VWF: variants seen among roughly 807,000 people sequenced by gnomAD.
VWF encodes the protein Factor VIII related antigen.
VWF carries 176 observed loss-of-function variants against 308.6 expected under a neutral mutation model. The ratio of observed to expected loss-of-function variants is 0.57; its 90% CI spans 0.50 to 0.65. The LOEUF (loss-of-function observed/expected upper bound fraction) is 0.65. Among genes scored for constraint, VWF ranks in the 30% least tolerant of loss-of-function variants. The pLI, the probability that VWF is intolerant of heterozygous loss-of-function variation, is 0.00. For synonymous variants in VWF, 1,385 were observed against 1,443.4 expected (o/e 0.96, Z 0.92); for missense variants, 3,146 against 3,648.2 (o/e 0.86, Z 3.55).
intron 17 of VWF, among the ~76,000 whole-genome samples, chr12:6,045,438 A>C (rs1032727198): frequency 7.2e-5 from 11 of 152,242 alleles, no homozygotes; most frequent in Middle Eastern, 3.2e-3. Flanking sequence ...CCAGACTAGA[A>C]GATTCTGAGC....
rs771958356 is a variant in VWF, at chr12:5,985,548, G to A, written c.6901+15C>T. On this transcript the variant is annotated intron_variant, in intron 39 of 51. Coordinates refer to ENST00000261405, the MANE Select transcript of VWF (RefSeq NM_000552.5). ...TGTTCCTCCATGAAGGCACCAGGGAGGGGAGGACTCTCACCTTTGGCCGTG... is the reference window on the plus strand; with the variant it reads ...TGTTCCTCCATGAAGGCACCAGGGAAGGGAGGACTCTCACCTTTGGCCGTG... 1.1e-5 allele frequency: 17 copies of A among 1,613,092 alleles called. No individual in the cohort carries two copies. The Middle Eastern group carries it at 5.0e-4, about 47-fold the overall frequency.
intron 28 of VWF, 125 bp from the exon 29 acceptor site, chr12:6,016,995 G>T: frequency 9.8e-7 from 1 of 1,025,298 alleles, no homozygotes; most frequent in Non-Finnish European, 1.5e-6. Flanking sequence ...CAAGGGGGGC[G>T]GGGGGTGCCT....
chr12:5,950,014 G>A, intron 50 of VWF, 131 bp from the exon 51 acceptor site: 2 of 776,340 alleles, frequency 2.6e-6, no homozygotes, highest in Non-Finnish European at 4.4e-6. Flanking sequence ...GCCACAGGGA[G>A]GGAATTCAGT....
Position 6,095,582 on chromosome 12 carries a change from T to G in VWF, c.535A>C (p.Thr179Pro). The G allele has an allele frequency of 6.2e-7, 1 of 1,614,152 alleles. No homozygotes were observed. The highest frequency in any genetic ancestry group is 1.1e-5 in the South Asian group (1 of 91,078). ...AEDDFMTQEG[T>P]LTSDPYDFAN... ...AAGTCATAAGGGTCCGAGGTCAAGGTCCCTGTGGAGGAAAGTTTCAGGAAA... is the reference window on the plus strand; with the variant it reads ...AAGTCATAAGGGTCCGAGGTCAAGGGCCCTGTGGAGGAAAGTTTCAGGAAA... Residue 179 changes from threonine (T) to proline (P), a missense_variant and splice_region_variant, in exon 6 of 52, where the codon ACC becomes CCC. By Grantham distance (38) the Thr-to-Pro change is conservative (BLOSUM62 -1). Transcript: ENST00000261405.
chr12:5,994,747 C>T (rs1316494058), intron 35 of VWF, 140 bp from the exon 36 acceptor site: 1 of 764,922 alleles, frequency 1.3e-6, no homozygotes, highest in African/African-American at 1.7e-5. Flanking sequence ...GTCGGCAGCT[C>T]TTCTAAGATA....
intron 34 of VWF, among the ~76,000 whole-genome samples, chr12:6,008,244 T>A (rs1591856133): frequency 6.6e-6 from 1 of 151,996 alleles, no homozygotes; most frequent in Non-Finnish European, 1.5e-5. Context: ...TCAATATTCC[T>A]GATGAACACA....
chr12:6,062,645 G>A (rs1056373869), intron 13 of VWF, among the ~76,000 whole-genome samples: 5 of 152,022 alleles, frequency 3.3e-5, no homozygotes, highest in South Asian at 2.1e-4. Flanking sequence ...CCCTGCTCCC[G>A]GGCCTTGTTT....
intron 42 of VWF, among the ~76,000 whole-genome samples, chr12:5,977,517 A>C (rs1422308335): frequency 6.6e-6 from 1 of 152,246 alleles, no homozygotes; most frequent in Non-Finnish European, 1.5e-5. Context: ...TCTATGAGAA[A>C]TGGGAAGAAA....
chr12:6,041,518 A>G (rs1478616018), intron 18 of VWF, among the ~76,000 whole-genome samples: 1 of 151,524 alleles, frequency 6.6e-6, no homozygotes, highest in African/African-American at 2.4e-5. Context: ...GTGCAATCTC[A>G]GCTCACTGCA....
chr12:6,011,912 C>T lies in VWF; in HGVS notation c.5665-118G>A, dbSNP rs216305. The T allele has an allele frequency of 0.49, 557,398 of 1,147,626 alleles. 140,810 individuals are homozygous for T. The highest frequency in any genetic ancestry group is 0.67 in the African/African-American group (42,503 of 63,130). 71.1% of individuals were successfully genotyped at this position (1,147,626 alleles called of 1,614,324 possible). ...CACAGGCCTACACAGCAAGGAGGCCCCCTGTACATGAGACAGGAAGCAAAA... is the reference window on the plus strand; with the variant it reads ...CACAGGCCTACACAGCAAGGAGGCCTCCTGTACATGAGACAGGAAGCAAAA... On this transcript the variant is annotated intron_variant, in intron 33 of 51. Transcript: ENST00000261405.
intron 7 of VWF, among the ~76,000 whole-genome samples, chr12:6,074,858 G>A (rs747156473): frequency 7.2e-4 from 109 of 152,300 alleles, no homozygotes; most frequent in Non-Finnish European, 1.2e-3. Context: ...GAGGGATAGC[G>A]GTCATTAGCC....
intron 21 of VWF, 151 bp from the exon 22 acceptor site, chr12:6,029,639 T>C (rs1944236086): frequency 1.0e-6 from 1 of 988,160 alleles, no homozygotes; most frequent in South Asian, 1.4e-5. Flanking sequence ...ACTGCACCCC[T>C]GCAGGGCCAG....
chr12:6,094,623 T>C (rs1591914154), intron 6 of VWF, among the ~76,000 whole-genome samples: 1 of 152,318 alleles, frequency 6.6e-6, no homozygotes, highest in East Asian at 1.9e-4. Context: ...TGGCGCCTTT[T>C]AGGAAGTGAT....
rs151060073 is a variant in VWF at position 5,952,816 on chromosome 12, C to T, written c.7987-297G>A. ...AGCTGATAACTGAACTAGAGATGAA[C>T]GAAGGGAACTACCTCCCAGCCCCAC... On this transcript the variant is annotated intron_variant, in intron 48 of 51. Transcript: ENST00000261405. Among the ~76,000 whole-genome samples, 460 of 152,270 alleles carry T rather than the reference C, an allele frequency of 3.0e-3. 1 individual carries two copies. Among genetic ancestry groups the T allele is most frequent in the Middle Eastern group, 0.01 (3 of 294 alleles).
chr12:6,042,417 T>C (rs1216423361), intron 18 of VWF, among the ~76,000 whole-genome samples: 1 of 152,136 alleles, frequency 6.6e-6, no homozygotes, highest in Non-Finnish European at 1.5e-5. Context: ...CCAGCTCCAT[T>C]TTCTTTGTGT....
chr12:6,074,159 A>G (rs1274539234), intron 7 of VWF, among the ~76,000 whole-genome samples: 1 of 152,012 alleles, frequency 6.6e-6, no homozygotes, highest in Non-Finnish European at 1.5e-5. Flanking sequence ...TCCCCATGAA[A>G]TTGGCCCCAA....
At chr12:6,003,058 A>T (rs1332280405) in intron 34 of VWF, among the ~76,000 whole-genome samples, 1 of 152,242 alleles carries the variant, frequency 6.6e-6, no homozygotes, top group Non-Finnish European at 1.5e-5. Flanking sequence ...AAAGACTTTA[A>T]AACAACTGTC....
At chr12:5,981,119 G>A (rs1244782520) in intron 42 of VWF, among the ~76,000 whole-genome samples, 1 of 152,210 alleles carries the variant, frequency 6.6e-6, no homozygotes, top group Non-Finnish European at 1.5e-5. Flanking sequence ...CTAGCACAGT[G>A]CCAATTCTGT....
chr12:6,071,689 G>A (rs1944784450), intron 9 of VWF, among the ~76,000 whole-genome samples: 1 of 152,208 alleles, frequency 6.6e-6, no homozygotes, highest in African/African-American at 2.4e-5. Context: ...TATGGAAATG[G>A]GTAGCTCCCA....
Sources: gnomAD v4.1 joint callset for allele counts (sites outside exome capture counted in the v4.1 genomes callset) on GRCh38, gnomAD v4.1.1 for gene constraint, MANE v1.5 for transcripts, NCBI Gene and HGNC (gene_info 2026-07-23, HGNC 2026-07-21) for gene names.